BMS1: variants seen among roughly 807,000 people sequenced by gnomAD.
BMS1 encodes the protein ribosome biogenesis protein BMS1 homolog.
Under a neutral mutation model 138.7 loss-of-function variants are expected in BMS1, and 53 were observed. The observed-to-expected ratio is 0.38, with a 90% CI of 0.31 to 0.48. BMS1 has a LOEUF of 0.48. BMS1 is among the 20% of genes least tolerant of loss of function. BMS1 has a pLI of 0.97. For missense variants in BMS1, 1,360 were observed against 1,565.5 expected, an observed-to-expected ratio of 0.87 and a Z score of 2.22; for synonymous variants, 504 against 539.9, an observed-to-expected ratio of 0.93 and a Z score of 0.92.
At chr10:42,821,196 A>G (rs1391624842) in intron 18 of BMS1, among the ~76,000 whole-genome samples, 1 of 152,112 alleles carries the variant, frequency 6.6e-6, no homozygotes, top group Admixed American at 6.6e-5. Context: ...ATAATGGTAC[A>G]TTTCCTATTT....
Position 42,820,230 on chromosome 10 carries a change from G to C in BMS1, c.2581-6G>C. The C allele has an allele frequency of 6.2e-7, 1 of 1,609,894 alleles. No homozygotes were observed. Among genetic ancestry groups the C allele is most frequent in the Non-Finnish European group, 8.5e-7 (1 of 1,179,798 alleles). On this transcript the variant is annotated splice_polypyrimidine_tract_variant and splice_region_variant and intron_variant, in intron 15 of 22. Coordinates refer to ENST00000374518, the MANE Select transcript of BMS1 (RefSeq NM_014753.4). ...TACAGGTTTTTTTATTCCCCATCAT[G>C]TACAGCTGAATCGCGCAGAATTTGA...
chr10:42,799,506 A>G (rs1489688993), intron 12 of BMS1, among the ~76,000 whole-genome samples: 2 of 152,192 alleles, frequency 1.3e-5, no homozygotes, highest in African/African-American at 4.8e-5. Context: ...CAGAGGCCCA[A>G]TTGCTATCAT....
At chr10:42,790,547 T>A (rs1320142807) in intron 5 of BMS1, 36 bp downstream of exon 5, 4 of 1,602,780 alleles carry the variant, frequency 2.5e-6, no homozygotes, top group Non-Finnish European at 3.4e-6. Flanking sequence ...ACTAACAGTA[T>A]AATCCTTTTA....
At position 42,816,615 on chromosome 10, in the gene BMS1, C is replaced by G; in HGVS notation, c.2346C>G (p.Asp782Glu). 6.2e-7 allele frequency: 1 copy of G among 1,611,102 alleles called. No individual in the cohort carries two copies. Among genetic ancestry groups the G allele is most frequent in the Non-Finnish European group, 8.5e-7 (1 of 1,179,560 alleles). Residue 782 changes from aspartate to glutamate, a missense_variant, in exon 14 of 23, where the codon GAC becomes GAG. Transcript: ENST00000374518. ...VLAEDEELYG[D>E]FEDLETGDVH... Reference sequence around the variant, plus strand: ...TTTTCCCAGAGGAGCTCTACGGTGACTTTGAAGACTTGGAAACAGGGGACG... The same window carrying G: ...TTTTCCCAGAGGAGCTCTACGGTGAGTTTGAAGACTTGGAAACAGGGGACG...
At chr10:42,805,629 C>G (rs1204810337) in intron 13 of BMS1, among the ~76,000 whole-genome samples, 1 of 152,174 alleles carries the variant, frequency 6.6e-6, no homozygotes, top group East Asian at 1.9e-4. Flanking sequence ...TAGTAACTCT[C>G]CATTTATCTT....
At position 42,834,871 on chromosome 10, in the gene BMS1, T is replaced by C. The variant is rs1842847237; in HGVS notation, c.*3775T>C. The stretch of plus-strand genomic sequence containing the variant: ...GGGTGGGCTTGTTTTTTTCTGTGTT[T>C]CGGTTTTTTCCAATTTTTGTTTTGT... On this transcript the variant is annotated 3_prime_UTR_variant, in exon 23 of 23. Transcript: ENST00000374518. The C allele has an allele frequency of 6.6e-6, 1 of 152,216 alleles. No homozygotes were observed. Among genetic ancestry groups the C allele is most frequent in the African/African-American group, 2.4e-5 (1 of 41,454 alleles). 9.4% of individuals were successfully genotyped at this position (152,216 alleles called of 1,614,324 possible).
intron 13 of BMS1, among the ~76,000 whole-genome samples, chr10:42,813,266 A>G (rs899689948): frequency 6.6e-6 from 1 of 152,194 alleles, no homozygotes; most frequent in African/African-American, 2.4e-5. Context: ...CTTTTGGTTT[A>G]TTTAGACCAT....
chr10:42,820,174 G>T (rs1180030220), intron 15 of BMS1, 62 bp from the exon 16 acceptor site: 1 of 1,575,154 alleles, frequency 6.3e-7, no homozygotes, highest in Non-Finnish European at 8.6e-7. Context: ...ATTTGTTCAT[G>T]TTAATCTTAT....
At chr10:42,792,413 G>C (rs1458847693) in intron 6 of BMS1, 80 bp from the exon 7 acceptor site, 27 of 1,551,460 alleles carry the variant, frequency 1.7e-5, no homozygotes, top group Middle Eastern at 2.4e-4. Context: ...GGACAAGAGT[G>C]TGATGAATCA....
chr10:42,801,278 C>G (rs926228549), intron 12 of BMS1, among the ~76,000 whole-genome samples: 1 of 152,156 alleles, frequency 6.6e-6, no homozygotes, highest in African/African-American at 2.4e-5. Context: ...GAGAATTATT[C>G]CTTGGTTGAA....
intron 1 of BMS1, among the ~76,000 whole-genome samples, chr10:42,783,265 T>G (rs1841214220): frequency 6.6e-6 from 1 of 152,194 alleles, no homozygotes; most frequent in Non-Finnish European, 1.5e-5. Context: ...CCAGCTCTCC[T>G]AACTCCTGGC....
chr10:42,829,570 T>G (rs1331163178), intron 21 of BMS1, among the ~76,000 whole-genome samples: 1 of 152,090 alleles, frequency 6.6e-6, no homozygotes, highest in Non-Finnish European at 1.5e-5. Flanking sequence ...TCCTAGCACT[T>G]TGGGAGGCCA....
At chr10:42,819,893 G>A (rs1842451190) in intron 15 of BMS1, among the ~76,000 whole-genome samples, 1 of 152,146 alleles carries the variant, frequency 6.6e-6, no homozygotes, top group African/African-American at 2.4e-5. Flanking sequence ...CCGGGTTCAA[G>A]CAATTCTCTC....
chr10:42,823,959 A>C (rs1446467939), intron 21 of BMS1, among the ~76,000 whole-genome samples, 175 bp downstream of exon 21: 1 of 152,256 alleles, frequency 6.6e-6, no homozygotes, highest in Non-Finnish European at 1.5e-5. Flanking sequence ...AACACCAAAA[A>C]ATGATAATAG....
intron 13 of BMS1, among the ~76,000 whole-genome samples, chr10:42,810,932 T>C (rs1842154783): frequency 6.6e-6 from 1 of 152,216 alleles, no homozygotes; most frequent in Non-Finnish European, 1.5e-5. Flanking sequence ...TTTATCTTTG[T>C]CGTAAAATTT....
At chr10:42,809,832 C>T (rs1414154389) in intron 13 of BMS1, among the ~76,000 whole-genome samples, 1 of 152,124 alleles carries the variant, frequency 6.6e-6, no homozygotes, top group Admixed American at 6.6e-5. Context: ...GTCACCCAGG[C>T]TGGAGTGCAG....
In BMS1 at chr10:42,785,500, A is replaced by T. The variant is rs1490899410; in HGVS notation, c.195A>T (p.Thr65=). 1 of 1,608,872 alleles carries T rather than the reference A, an allele frequency of 6.2e-7. No individual in the cohort carries two copies. Among genetic ancestry groups the T allele is most frequent in the African/African-American group, 1.3e-5 (1 of 74,684 alleles). Residue 65 remains threonine (T), a synonymous_variant, in exon 3 of 23, where the codon ACA becomes ACT. Coordinates refer to ENST00000374518, the MANE Select transcript of BMS1 (RefSeq NM_014753.4). The stretch of plus-strand genomic sequence containing the variant: ...TGAATAGGACTCAGGATTTGAAGAC[A>T]AAAAAGCATCATATTCCAGTGGTTG... ...RSFHRTQDLK[T]KKHHIPVVDR... is the part of the protein sequence containing the mutation.
In BMS1 at chr10:42,784,367, A is replaced by G; in HGVS notation, c.-28A>G. The G allele has an allele frequency of 1.3e-6, 2 of 1,577,836 alleles. No individual in the cohort carries two copies. Among genetic ancestry groups the G allele is most frequent in the Non-Finnish European group, 1.7e-6 (2 of 1,169,250 alleles). ...CCCAACCTTCTTCCTTGTAGGTTAG[A>G]GTTACTTGTTATTGGTAAATAGCCA... is the stretch of plus-strand genomic sequence containing the variant. On this transcript the variant is annotated 5_prime_UTR_variant, in exon 2 of 23. Transcript: ENST00000374518.
At position 42,830,903 on chromosome 10, in the gene BMS1, G is replaced by C. The variant is rs186197369; in HGVS notation, c.3656G>C (p.Ser1219Thr). Residue 1219 changes from serine to threonine, a missense_variant, in exon 23 of 23, where the codon AGT becomes ACT. Physicochemically the swap from Ser to Thr is moderately conservative, Grantham distance 58. Around this residue, in one of 3 missense-constraint regions of BMS1, gnomAD observed 425 missense variants for 568.3 expected, o/e 0.75. Transcript: ENST00000374518. ...ALLDALSTVH[S>T]QKMKKAKEQR... ...CTGGATGCTCTGAGTACGGTGCATA[G>C]TCAGAAGATGAAGAAGGCCAAGGAG... 393 of 1,612,390 alleles carry C rather than the reference G, an allele frequency of 2.4e-4. 3 individuals carry two copies. In the East Asian group the frequency reaches 8.4e-3, roughly 34 times the overall value.
Sources: gnomAD v4.1 joint callset for allele counts (sites outside exome capture counted in the v4.1 genomes callset) on GRCh38, gnomAD v4.1.1 for gene constraint, gnomAD v4.1.1 regional missense constraint, MANE v1.5 for transcripts, NCBI Gene and HGNC (gene_info 2026-07-23, HGNC 2026-07-21) for gene names.